Variants in MYO1D observed in about 807,000 individuals in gnomAD.
The protein encoded by MYO1D is myosin ID.
A neutral mutation model predicts 122.0 loss-of-function variants in MYO1D; 83 were observed. The ratio of observed to expected loss-of-function variants is 0.68; its 90% CI spans 0.57 to 0.82. The LOEUF (loss-of-function observed/expected upper bound fraction) is 0.82. Ranked by LOEUF, MYO1D falls within the 40% of genes least tolerant of loss-of-function variation. The pLI is 0.00. For missense variants in MYO1D, 1,157 were observed against 1,269.5 expected, an observed-to-expected ratio of 0.91 and a Z score of 1.35; for synonymous variants, 464 against 446.9, an observed-to-expected ratio of 1.04 and a Z score of -0.48.
At chr17:32,566,404 C>T (rs961357115) in intron 21 of MYO1D, among the ~76,000 whole-genome samples, 1 of 152,080 alleles carries the variant, frequency 6.6e-6, no homozygotes, top group Non-Finnish European at 1.5e-5. Context: ...TGGCACAGGG[C>T]ACGGCACCGG....
At chr17:32,827,661 A>G (rs529091456) in intron 1 of MYO1D, among the ~76,000 whole-genome samples, 1 of 152,336 alleles carries the variant, frequency 6.6e-6, no homozygotes, top group East Asian at 1.9e-4. Context: ...AATCGATTCA[A>G]CTGACATGAA....
intron 1 of MYO1D, among the ~76,000 whole-genome samples, chr17:32,798,785 T>C (rs1813922732): frequency 1.3e-5 from 2 of 152,350 alleles, no homozygotes; most frequent in South Asian, 4.1e-4. Context: ...TGCAAAGAGT[T>C]TTCATCTTTA....
intron 19 of MYO1D, among the ~76,000 whole-genome samples, chr17:32,651,165 G>T (rs2088382301): frequency 6.6e-6 from 1 of 152,104 alleles, no homozygotes. Context: ...TACTCTATTC[G>T]GTGCCTCATA....
intron 1 of MYO1D, among the ~76,000 whole-genome samples, chr17:32,864,283 AT>A: frequency 6.6e-6 from 1 of 151,874 alleles, no homozygotes; most frequent in Middle Eastern, 3.4e-3. Flanking sequence ...GACACGACAG[AT>A]TACAGATTTT....
chr17:32,727,421 G>A (rs1281700229), intron 14 of MYO1D, among the ~76,000 whole-genome samples: 1 of 152,178 alleles, frequency 6.6e-6, no homozygotes, highest in Non-Finnish European at 1.5e-5. Flanking sequence ...CAAACCCAAA[G>A]TATATAAAAC....
intron 16 of MYO1D, among the ~76,000 whole-genome samples, chr17:32,683,332 T>C (rs1377232040): frequency 6.6e-6 from 1 of 152,234 alleles, no homozygotes; most frequent in East Asian, 1.9e-4. Context: ...GCTCTGTGTT[T>C]TAGAGTTTCC....
intron 21 of MYO1D, among the ~76,000 whole-genome samples, chr17:32,585,089 G>A (rs1427062374): frequency 2.0e-5 from 3 of 152,160 alleles, no homozygotes. Flanking sequence ...CTGCGCTTGG[G>A]TTGTTTTCAT....
At chr17:32,678,255 T>A (rs954703883) in intron 16 of MYO1D, among the ~76,000 whole-genome samples, 7 of 20,058 alleles carry the variant, frequency 3.5e-4, no homozygotes, top group African/African-American at 4.8e-4. Flanking sequence ...AATATATTTC[T>A]TTTTTTTTTT....
chr17:32,813,096 T>C (rs906402656), intron 1 of MYO1D, among the ~76,000 whole-genome samples: 1 of 152,226 alleles, frequency 6.6e-6, no homozygotes, highest in Non-Finnish European at 1.5e-5. Flanking sequence ...GATTTCCCAA[T>C]ATGTGAAAAG....
At chr17:32,736,297 T>G (rs1598051842) in intron 14 of MYO1D, among the ~76,000 whole-genome samples, 1 of 152,166 alleles carries the variant, frequency 6.6e-6, no homozygotes, top group African/African-American at 2.4e-5. Flanking sequence ...GCTAGCTGAG[T>G]GCACTGCTGA....
chr17:32,798,334 T>C (rs1159396687), intron 1 of MYO1D, among the ~76,000 whole-genome samples: 1 of 152,248 alleles, frequency 6.6e-6, no homozygotes, highest in African/African-American at 2.4e-5. Flanking sequence ...CATTTCCTCA[T>C]GGAAAGCTTT....
chr17:32,600,075 C>T (rs932522624), intron 21 of MYO1D, among the ~76,000 whole-genome samples: 3 of 152,198 alleles, frequency 2.0e-5, no homozygotes, highest in Non-Finnish European at 2.9e-5. Context: ...TGTACATTTC[C>T]GTCAGTGCTC....
chr17:32,847,589 A>G (rs1834160628), intron 1 of MYO1D, among the ~76,000 whole-genome samples: 1 of 152,222 alleles, frequency 6.6e-6, no homozygotes, highest in Admixed American at 6.5e-5. Flanking sequence ...ATCTCAGCTC[A>G]TTGCAATCTC....
rs1040375068 is a variant in MYO1D, at chr17:32,605,855, C to T, written c.2710-614G>A. Reference sequence around the variant, plus strand: ...TAGCACTTTGGGAGGCCAAGGCGGGCGGATTGCCTGAGCTCAGGAGTTCGA... The same window carrying T: ...TAGCACTTTGGGAGGCCAAGGCGGGTGGATTGCCTGAGCTCAGGAGTTCGA... On this transcript the variant is annotated intron_variant, in intron 20 of 21. Coordinates refer to ENST00000318217, the MANE Select transcript of MYO1D (RefSeq NM_015194.3). Among the ~76,000 whole-genome samples, 7 of 151,882 alleles carry T rather than the reference C, an allele frequency of 4.6e-5. No individual in the cohort carries two copies. In the East Asian group the frequency reaches 7.7e-4, roughly 17 times the overall value.
chr17:32,540,327 C>CAAA lies in MYO1D; in HGVS notation c.2865-45415_2865-45413dup, dbSNP rs34076937. On this transcript the variant is annotated intron_variant, in intron 21 of 21. Transcript: ENST00000318217. ...TCTAGGTGACAGAGAGAGACTATCT[C>CAAA]AAAAAAAAAAAAAAAAAAAAGTAAA... Among the ~76,000 whole-genome samples the CAAA allele has an allele frequency of 7.7e-3, 537 of 69,724 alleles. 24 individuals are homozygous for CAAA. The highest frequency in any genetic ancestry group is 0.027 in the African/African-American group (437 of 16,294). The allele number at this position is 69,724 out of a possible 152,430, so 45.7% of individuals were successfully genotyped here.
At chr17:32,673,605 A>C (rs527574510) in intron 16 of MYO1D, among the ~76,000 whole-genome samples, 10 of 152,232 alleles carry the variant, frequency 6.6e-5, no homozygotes, top group African/African-American at 4.8e-5. Flanking sequence ...TAATACTTAA[A>C]ATTTGAAGAG....
chr17:32,689,422 T>C (rs1476153090), intron 16 of MYO1D, among the ~76,000 whole-genome samples: 1 of 152,182 alleles, frequency 6.6e-6, no homozygotes, highest in African/African-American at 2.4e-5. Context: ...TAGTACTAAG[T>C]TTGAATAGAT....
intron 1 of MYO1D, among the ~76,000 whole-genome samples, chr17:32,800,695 GT>G (rs573614080): frequency 6.6e-5 from 10 of 150,444 alleles, no homozygotes; most frequent in South Asian, 2.1e-4. Flanking sequence ...ATTTGTTTTT[GT>G]TTTTTTTTGT....
intron 19 of MYO1D, among the ~76,000 whole-genome samples, chr17:32,649,664 C>CG (rs2088360215): frequency 6.7e-6 from 1 of 149,746 alleles, no homozygotes; most frequent in Non-Finnish European, 1.5e-5. Flanking sequence ...CTCCACCCCC[C>CG]GGGTTCAAGG....
Sources: allele counts gnomAD v4.1 joint callset (sites outside exome capture counted in the v4.1 genomes callset), GRCh38; gene constraint gnomAD v4.1.1; transcripts MANE v1.5; gene names NCBI Gene and HGNC (gene_info 2026-07-23, HGNC 2026-07-21).